Variants in GFRAL observed in about 807,000 individuals in gnomAD.
GFRAL encodes GDNF family receptor alpha like.
A neutral mutation model predicts 45.4 loss-of-function variants in GFRAL; 36 were observed. The ratio of observed to expected loss-of-function variants is 0.79; its 90% CI spans 0.61 to 1.05. The LOEUF is 1.05. Among genes scored for constraint, GFRAL ranks in the 50% least tolerant of loss-of-function variants. The probability of loss-of-function intolerance (pLI) is 0.00; values close to 1 mark genes in which losing one functional copy is unlikely to be tolerated. For missense variants in GFRAL, 507 were observed against 467.5 expected (o/e 1.08, Z -0.78); for synonymous variants, 166 against 154.1 (o/e 1.08, Z -0.57).
chr6:55,335,241 A>G (rs991734), intron 3 of GFRAL, among the ~76,000 whole-genome samples: 148,646 of 152,290 alleles, frequency 0.98, 72,651 homozygotes, highest in East Asian at 1. Context: ...ATATTTTTAT[A>G]TGTTGTGTGC....
At chr6:55,397,518 C>A (rs1475485745) in intron 6 of GFRAL, among the ~76,000 whole-genome samples, 2 of 79,478 alleles carry the variant, frequency 2.5e-5, no homozygotes, top group South Asian at 4.6e-4. Context: ...GAGCGAGACT[C>A]CGTCTCAAAA....
chr6:55,369,701 A>G (rs2127360340), intron 6 of GFRAL, among the ~76,000 whole-genome samples: 1 of 152,306 alleles, frequency 6.6e-6, no homozygotes, highest in African/African-American at 2.4e-5. Context: ...CACTGAAAAA[A>G]AAACAGTTTG....
intron 6 of GFRAL, among the ~76,000 whole-genome samples, chr6:55,369,524 G>C (rs937636): frequency 0.069 from 10,501 of 152,118 alleles, 1,097 homozygotes; most frequent in East Asian, 0.36. Context: ...TATCATAATT[G>C]TTAACTAATC....
At chr6:55,389,297 G>A (rs1217890089) in intron 6 of GFRAL, among the ~76,000 whole-genome samples, 1 of 152,130 alleles carries the variant, frequency 6.6e-6, no homozygotes, top group Non-Finnish European at 1.5e-5. Flanking sequence ...CCCTCTATGT[G>A]TCTGACCATA....
chr6:55,336,374 AC>A (rs963252801), intron 3 of GFRAL, among the ~76,000 whole-genome samples: 2 of 152,182 alleles, frequency 1.3e-5, no homozygotes, highest in Non-Finnish European at 2.9e-5. Flanking sequence ...AGATTTATTA[AC>A]ATGATATATT....
Position 55,388,419 on chromosome 6 carries a change from C to G in GFRAL, c.953-10761C>G, listed in dbSNP as rs115890213. Among the ~76,000 whole-genome samples the G allele has an allele frequency of 3.8e-3, 580 of 152,266 alleles. 8 individuals carry two copies. Among genetic ancestry groups the G allele is most frequent in the African/African-American group, 0.013 (547 of 41,560 alleles). ...CTGGTGTCTGTGTAGGAAGATGCTA[C>G]TCTTGATGTTTTGAGTTTCCAGGCC... is the stretch of plus-strand genomic sequence containing the variant. On this transcript the variant is annotated intron_variant, in intron 6 of 8. Coordinates refer to ENST00000340465, the MANE Select transcript of GFRAL (RefSeq NM_207410.2).
At chr6:55,334,808 T>C (rs1767871374) in intron 3 of GFRAL, among the ~76,000 whole-genome samples, 1 of 152,212 alleles carries the variant, frequency 6.6e-6, no homozygotes, top group Admixed American at 6.5e-5. Context: ...CCGTTTTAAT[T>C]CAGTTTATTT....
intron 8 of GFRAL, 43 bp from the exon 9 acceptor site, chr6:55,401,747 C>T: frequency 8.7e-7 from 1 of 1,146,872 alleles, no homozygotes. Flanking sequence ...TTGTGAAATC[C>T]TTAAAATGGC....
chr6:55,360,617 A>T (rs1265068261), intron 6 of GFRAL, among the ~76,000 whole-genome samples: 1 of 151,988 alleles, frequency 6.6e-6, no homozygotes, highest in Non-Finnish European at 1.5e-5. Context: ...TATAATTAAC[A>T]CTACAGATAT....
intron 3 of GFRAL, among the ~76,000 whole-genome samples, chr6:55,344,485 A>C (rs183927865): frequency 0.013 from 1,992 of 152,248 alleles, 23 homozygotes; most frequent in Non-Finnish European, 0.022. Context: ...TGACAAGATT[A>C]AACAACGCTT....
intron 6 of GFRAL, among the ~76,000 whole-genome samples, chr6:55,364,889 T>C (rs1351126580): frequency 6.6e-6 from 1 of 152,174 alleles, no homozygotes; most frequent in Non-Finnish European, 1.5e-5. Flanking sequence ...TCCAGCTTTG[T>C]TCTTTTGGCT....
chr6:55,333,959 T>C lies in GFRAL; in HGVS notation c.316+15T>C, dbSNP rs746073567. The C allele has an allele frequency of 2.0e-6, 3 of 1,477,950 alleles. No individual in the cohort carries two copies. The highest frequency in any genetic ancestry group is 2.8e-6 in the Non-Finnish European group (3 of 1,089,348). 91.6% of individuals were successfully genotyped at this position (1,477,950 alleles called of 1,614,324 possible). On this transcript the variant is annotated intron_variant, in intron 3 of 8. Coordinates refer to ENST00000340465, the MANE Select transcript of GFRAL (RefSeq NM_207410.2). The stretch of plus-strand genomic sequence containing the variant: ...CAATAAATCAGGTAATATTTTGTTT[T>C]AAGAAATGTTTATAGTCATGAAAAA...
At chr6:55,378,078 C>T (rs909807038) in intron 6 of GFRAL, among the ~76,000 whole-genome samples, 1 of 152,022 alleles carries the variant, frequency 6.6e-6, no homozygotes, top group African/African-American at 2.4e-5. Flanking sequence ...ACCCCACTAG[C>T]CTTGATTCCC....
chr6:55,342,463 A>C lies in GFRAL; in HGVS notation c.317-7629A>C, dbSNP rs1490512419. ...AAGGAGAAATAAAATACTTTACAGAAAAGCAAATGCTGAGAGATTTTGTCA... is the reference window on the plus strand; with the variant it reads ...AAGGAGAAATAAAATACTTTACAGACAAGCAAATGCTGAGAGATTTTGTCA... On this transcript the variant is annotated intron_variant, in intron 3 of 8. Coordinates refer to ENST00000340465, the MANE Select transcript of GFRAL (RefSeq NM_207410.2). 5.4e-3 allele frequency among the ~76,000 whole-genome samples: 818 copies of C among 150,226 alleles called. 8 individuals carry two copies. Among genetic ancestry groups the C allele is most frequent in the Non-Finnish European group, 9.2e-3 (609 of 66,506 alleles).
intron 5 of GFRAL, among the ~76,000 whole-genome samples, chr6:55,354,316 C>A (rs1171239474): frequency 6.6e-6 from 1 of 152,030 alleles, no homozygotes; most frequent in Admixed American, 6.6e-5. Flanking sequence ...TCAACAAGGA[C>A]CCCCAGCTTT....
In GFRAL at chr6:55,351,406, A is replaced by C; in HGVS notation, c.524A>C (p.Tyr175Ser). 2 of 1,613,780 alleles carry C rather than the reference A, an allele frequency of 1.2e-6. No individual in the cohort carries two copies. The highest frequency in any genetic ancestry group is 2.2e-5 in the South Asian group (2 of 91,082). The change falls in exon 5 of 9, where the codon TAT becomes TCT. Residue 175 changes from tyrosine to serine, a missense_variant. Transcript: ENST00000340465. ...KQCQAAIRFF[Y>S]QNIPFNIAQM... The stretch of plus-strand genomic sequence containing the variant: ...TGCCAAGCAGCCATACGGTTCTTCT[A>C]TCAAAATATACCTTTTAACATTGCC...
chr6:55,367,580 C>T (rs202213392), intron 6 of GFRAL, among the ~76,000 whole-genome samples: 4,014 of 151,102 alleles, frequency 0.027, 181 homozygotes, highest in African/African-American at 0.089. Flanking sequence ...CAGCTGGTAC[C>T]GGTTGTTCCT....
chr6:55,385,692 T>C (rs139719341), intron 6 of GFRAL, among the ~76,000 whole-genome samples: 1 of 152,206 alleles, frequency 6.6e-6, no homozygotes, highest in Non-Finnish European at 1.5e-5. Flanking sequence ...TTATAAATGT[T>C]ACATTTCACA....
chr6:55,368,718 G>A (rs879829544), intron 6 of GFRAL, among the ~76,000 whole-genome samples: 1 of 152,202 alleles, frequency 6.6e-6, no homozygotes, highest in Non-Finnish European at 1.5e-5. Flanking sequence ...GTGTCAGTCT[G>A]CCCCTGCTGG....
Sources: gnomAD v4.1 joint callset for allele counts (sites outside exome capture counted in the v4.1 genomes callset) on GRCh38, gnomAD v4.1.1 for gene constraint, MANE v1.5 for transcripts, NCBI Gene and HGNC (gene_info 2026-07-23, HGNC 2026-07-21) for gene names.